The following EPHA5 variants were observed in gnomAD, a reference collection of about 807,000 sequenced individuals.
EPHA5 encodes EPH receptor A5.
A neutral mutation model predicts 105.0 loss-of-function variants in EPHA5; 60 were observed. The observed-to-expected ratio is 0.57, with a 90% confidence interval of 0.46 to 0.71. The LOEUF is 0.71. Among genes scored for constraint, EPHA5 ranks in the 30% least tolerant of loss-of-function variants. The pLI is 0.00. For missense variants in EPHA5, 1,218 were observed against 1,274.7 expected (o/e 0.96, Z 0.68); for synonymous variants, 513 against 449.1 (o/e 1.14, Z -1.80).
chr4:65,540,000 C>T (rs1736664962), intron 3 of EPHA5, among the ~76,000 whole-genome samples: 1 of 151,296 alleles, frequency 6.6e-6, no homozygotes, highest in Non-Finnish European at 1.5e-5. Flanking sequence ...TTGAAATTTA[C>T]AAAAAATAGG....
At chr4:65,564,257 G>C (rs1353253435) in intron 3 of EPHA5, among the ~76,000 whole-genome samples, 1 of 151,764 alleles carries the variant, frequency 6.6e-6, no homozygotes, top group African/African-American at 2.4e-5. Context: ...GTACCCATAG[G>C]AGTTCTTAAC....
At chr4:65,669,339 G>T (rs560428224) in intron 1 of EPHA5, 26 of 945,182 alleles carry the variant, frequency 2.8e-5, no homozygotes, top group East Asian at 2.3e-4. Flanking sequence ...CTGTCCACAC[G>T]CATGTTCCTT....
intron 3 of EPHA5, among the ~76,000 whole-genome samples, chr4:65,497,137 A>G (rs969037339): frequency 1.3e-5 from 2 of 152,026 alleles, no homozygotes; most frequent in Non-Finnish European, 2.9e-5. Flanking sequence ...ACTTTTTTCT[A>G]TTTTCAAAGC....
At chr4:65,588,624 T>C (rs1412721643) in intron 3 of EPHA5, among the ~76,000 whole-genome samples, 1 of 152,144 alleles carries the variant, frequency 6.6e-6, no homozygotes, top group Non-Finnish European at 1.5e-5. Context: ...CAGTTTCTGA[T>C]CAAGGTGTTT....
intron 3 of EPHA5, among the ~76,000 whole-genome samples, chr4:65,498,145 G>T (rs914243858): frequency 6.6e-6 from 1 of 151,916 alleles, no homozygotes; most frequent in Non-Finnish European, 1.5e-5. Context: ...CCTTGCAAAG[G>T]ACCACATGAG....
chr4:65,428,895 C>A (rs1383284255), intron 5 of EPHA5, among the ~76,000 whole-genome samples: 1 of 151,994 alleles, frequency 6.6e-6, no homozygotes, highest in Non-Finnish European at 1.5e-5. Flanking sequence ...ATCACTGGCA[C>A]TCATAGTATT....
chr4:65,459,359 A>T (rs1727911222), intron 5 of EPHA5, among the ~76,000 whole-genome samples: 2 of 152,064 alleles, frequency 1.3e-5, no homozygotes, highest in Middle Eastern at 3.4e-3. Context: ...TTTATGGGAA[A>T]CTACTTTTCC....
chr4:65,475,651 A>C (rs145135872), intron 5 of EPHA5, among the ~76,000 whole-genome samples: 393 of 152,282 alleles, frequency 2.6e-3, no homozygotes, highest in African/African-American at 9.1e-3. Flanking sequence ...TTAACAAATA[A>C]ATTCATAGCA....
intron 7 of EPHA5, among the ~76,000 whole-genome samples, chr4:65,409,514 T>C (rs540885185): frequency 6.6e-6 from 1 of 152,268 alleles, no homozygotes; most frequent in Admixed American, 6.5e-5. Context: ...TTCACTTTGC[T>C]TCCCACACTC....
intron 5 of EPHA5, among the ~76,000 whole-genome samples, chr4:65,452,083 G>A (rs1455758153): frequency 1.3e-5 from 2 of 152,096 alleles, no homozygotes; most frequent in Non-Finnish European, 2.9e-5. Context: ...ATCATCAGAA[G>A]ATCAGCAATA....
rs191236390 is a variant in EPHA5, at chr4:65,513,914, C to G, written c.911-18371G>C. Reference sequence around the variant, plus strand: ...TCCTCTTTGTATAACTTTGTACAGTCCTTTGTTTTTGAATCCACCTGTCTC... The same window carrying G: ...TCCTCTTTGTATAACTTTGTACAGTGCTTTGTTTTTGAATCCACCTGTCTC... On this transcript the variant is annotated intron_variant, in intron 3 of 16. Coordinates refer to ENST00000613740, the MANE Select transcript of EPHA5 (RefSeq NM_001281766.3). Among the ~76,000 whole-genome samples the G allele has an allele frequency of 2.4e-4, 37 of 152,244 alleles. 1 individual carries two copies. The highest frequency in any genetic ancestry group is 1.5e-5 in the Non-Finnish European group (1 of 68,008).
intron 5 of EPHA5, among the ~76,000 whole-genome samples, chr4:65,423,613 G>A (rs1370149279): frequency 1.3e-5 from 2 of 150,362 alleles, no homozygotes; most frequent in Non-Finnish European, 3.0e-5. Flanking sequence ...GCCATTGGAA[G>A]CTCTTTCAGA....
chr4:65,607,944 A>G (rs1744396323), intron 2 of EPHA5, among the ~76,000 whole-genome samples: 1 of 152,216 alleles, frequency 6.6e-6, no homozygotes, highest in Non-Finnish European at 1.5e-5. Flanking sequence ...AATGCCCATC[A>G]ATGTTAGACT....
intron 5 of EPHA5, among the ~76,000 whole-genome samples, chr4:65,423,568 T>C (rs1006752083): frequency 5.3e-5 from 8 of 152,012 alleles, no homozygotes; most frequent in Non-Finnish European, 1.0e-4. Context: ...TATAGTCGAA[T>C]ACTTTATTTT....
In EPHA5 at chr4:65,497,294, G is replaced by T. The variant is rs978331406; in HGVS notation, c.911-1751C>A. ...TCATGTTTTAGTAATCCATGCTAAG[G>T]CTCTCTGCCATCACCATGAATAATC... On this transcript the variant is annotated intron_variant, in intron 3 of 16. Transcript: ENST00000613740. 3.3e-5 allele frequency among the ~76,000 whole-genome samples: 5 copies of T among 152,178 alleles called. No individual in the cohort carries two copies. In the East Asian group the frequency reaches 7.7e-4, roughly 24 times the overall value.
rs538772032 is a variant in EPHA5 at position 65,361,410 on chromosome 4, T to C, written c.2173+3607A>G. ...ATATGGAAATGTGTATCAGGTTAAG[T>C]ATGAAAGTCTATGCATTTTGGTTGA... On this transcript the variant is annotated intron_variant, in intron 11 of 16. Transcript: ENST00000613740. 5.9e-5 allele frequency among the ~76,000 whole-genome samples: 9 copies of C among 151,708 alleles called. No individual in the cohort carries two copies. The South Asian group carries it at 1.2e-3, about 21-fold the overall frequency.
At chr4:65,429,913 C>A (rs1366702673) in intron 5 of EPHA5, among the ~76,000 whole-genome samples, 2 of 151,898 alleles carry the variant, frequency 1.3e-5, no homozygotes, top group Non-Finnish European at 2.9e-5. Flanking sequence ...CATAAACATC[C>A]CAATCACAAT....
chr4:65,534,558 A>G (rs1736115327), intron 3 of EPHA5, among the ~76,000 whole-genome samples: 1 of 152,214 alleles, frequency 6.6e-6, no homozygotes, highest in South Asian at 2.1e-4. Context: ...CAAATCATTC[A>G]CACATCCTAA....
intron 1 of EPHA5, among the ~76,000 whole-genome samples, chr4:65,654,252 A>AC (rs1748867530): frequency 1.3e-5 from 2 of 151,754 alleles, no homozygotes; most frequent in African/African-American, 4.8e-5. Flanking sequence ...AAAAAAAAAA[A>AC]AACAAAACTA....
Sources: gnomAD v4.1 joint callset for allele counts (sites outside exome capture counted in the v4.1 genomes callset) on GRCh38, gnomAD v4.1.1 for gene constraint, MANE v1.5 for transcripts, NCBI Gene and HGNC (gene_info 2026-07-23, HGNC 2026-07-21) for gene names.